Variants in GRM1 observed in about 807,000 individuals in gnomAD.
GRM1 encodes metabotropic glutamate receptor 1.
Under a neutral mutation model 90.9 loss-of-function variants are expected in GRM1, and 33 were observed. The ratio of observed to expected loss-of-function variants is 0.36; its 90% CI spans 0.28 to 0.49. The LOEUF is 0.49. Ranked by LOEUF, GRM1 falls within the 20% of genes least tolerant of loss-of-function variation. GRM1 has a pLI of 0.99. For missense variants in GRM1, 1,190 were observed against 1,534.3 expected, an observed-to-expected ratio of 0.78 and a Z score of 3.75; for synonymous variants, 700 against 613.2, an observed-to-expected ratio of 1.14 and a Z score of -2.09.
intron 2 of GRM1, among the ~76,000 whole-genome samples, chr6:146,284,697 C>G (rs1782695282): frequency 6.6e-6 from 1 of 152,144 alleles, no homozygotes; most frequent in South Asian, 2.1e-4. Flanking sequence ...TGCTCTCTGT[C>G]TCTCTCTTGC....
At chr6:146,202,893 T>C (rs1192669109) in intron 2 of GRM1, among the ~76,000 whole-genome samples, 1 of 152,114 alleles carries the variant, frequency 6.6e-6, no homozygotes, top group Non-Finnish European at 1.5e-5. Context: ...CTAGCTACTG[T>C]AAGAAATAAA....
intron 5 of GRM1, among the ~76,000 whole-genome samples, chr6:146,367,407 T>G (rs1177156198): frequency 6.6e-6 from 1 of 152,166 alleles, no homozygotes; most frequent in Non-Finnish European, 1.5e-5. Context: ...CATGAGAATT[T>G]TAGGATTTTT....
intron 3 of GRM1, among the ~76,000 whole-genome samples, chr6:146,335,108 A>C (rs1480963065): frequency 6.6e-6 from 1 of 152,202 alleles, no homozygotes; most frequent in African/African-American, 2.4e-5. Flanking sequence ...TTTAGATATC[A>C]GATTAGAAAC....
chr6:146,062,968 C>A (rs949929086), intron 1 of GRM1, among the ~76,000 whole-genome samples: 4 of 152,086 alleles, frequency 2.6e-5, no homozygotes, highest in African/African-American at 9.7e-5. Context: ...TATAAATGTT[C>A]TTTTATGGAT....
At chr6:146,314,605 T>A (rs2114952913) in intron 3 of GRM1, among the ~76,000 whole-genome samples, 1 of 152,292 alleles carries the variant, frequency 6.6e-6, no homozygotes. Context: ...CTGTTGGTCT[T>A]ATTCACTATG....
intron 1 of GRM1, among the ~76,000 whole-genome samples, chr6:146,133,512 T>C (rs1776485898): frequency 1.3e-5 from 2 of 152,344 alleles, no homozygotes; most frequent in South Asian, 4.1e-4. Context: ...CCTTTCTATT[T>C]TATTTATGTA....
At chr6:146,340,818 G>A (rs552666559) in intron 3 of GRM1, among the ~76,000 whole-genome samples, 35 of 152,212 alleles carry the variant, frequency 2.3e-4, no homozygotes, top group Admixed American at 4.6e-4. Context: ...TGCTGGGATT[G>A]CAGGCGTGAG....
At chr6:146,323,863 G>T (rs542729681) in intron 3 of GRM1, among the ~76,000 whole-genome samples, 5 of 152,244 alleles carry the variant, frequency 3.3e-5, no homozygotes, top group African/African-American at 1.2e-4. Flanking sequence ...TTTCCCCATT[G>T]CTTGTTTTTC....
intron 1 of GRM1, among the ~76,000 whole-genome samples, chr6:146,048,484 A>G (rs1195299510): frequency 6.6e-6 from 1 of 152,014 alleles, no homozygotes; most frequent in Non-Finnish European, 1.5e-5. Context: ...AAAACATTTC[A>G]AATATAATTC....
chr6:146,422,239 A>G (rs1423479739), intron 7 of GRM1, among the ~76,000 whole-genome samples: 6 of 152,200 alleles, frequency 3.9e-5, no homozygotes, highest in Non-Finnish European at 8.8e-5. Flanking sequence ...AAATCCATTC[A>G]AAGTCACTGT....
chr6:146,392,157 G>C (rs1239870483), intron 6 of GRM1, among the ~76,000 whole-genome samples: 1 of 152,132 alleles, frequency 6.6e-6, no homozygotes, highest in Non-Finnish European at 1.5e-5. Flanking sequence ...GCTCACTGAT[G>C]GATTTTGCCT....
At chr6:146,261,381 G>A (rs953630640) in intron 2 of GRM1, among the ~76,000 whole-genome samples, 5 of 152,054 alleles carry the variant, frequency 3.3e-5, no homozygotes, top group African/African-American at 1.2e-4. Flanking sequence ...TTGTTTTGTG[G>A]ATCTTCTAAT....
At chr6:146,243,124 C>T (rs932639317) in intron 2 of GRM1, among the ~76,000 whole-genome samples, 6 of 152,112 alleles carry the variant, frequency 3.9e-5, no homozygotes, top group Non-Finnish European at 7.4e-5. Flanking sequence ...ATATTGAATG[C>T]AAGCCATGAA....
At chr6:146,103,751 C>A (rs1225797521) in intron 1 of GRM1, among the ~76,000 whole-genome samples, 1 of 152,174 alleles carries the variant, frequency 6.6e-6, no homozygotes, top group East Asian at 1.9e-4. Context: ...TTCATCCTGG[C>A]AACATTTACA....
At chr6:146,085,995 A>G (rs762463788) in intron 1 of GRM1, among the ~76,000 whole-genome samples, 4 of 152,184 alleles carry the variant, frequency 2.6e-5, no homozygotes, top group African/African-American at 7.2e-5. Flanking sequence ...TGACGGGGAT[A>G]TAGAAATATA....
intron 1 of GRM1, among the ~76,000 whole-genome samples, chr6:146,146,750 G>T (rs1777123792): frequency 6.6e-6 from 1 of 152,116 alleles, no homozygotes; most frequent in Admixed American, 6.5e-5. Context: ...CCAACTCTGG[G>T]ACACTGAAGT....
intron 1 of GRM1, among the ~76,000 whole-genome samples, chr6:146,123,066 A>G (rs1222409585): frequency 1.3e-5 from 2 of 151,546 alleles, no homozygotes; most frequent in Non-Finnish European, 2.9e-5. Context: ...GCTGGTCTCC[A>G]ACTCCTGACC....
intron 1 of GRM1, among the ~76,000 whole-genome samples, chr6:146,145,301 C>G (rs1241385296): frequency 2.0e-5 from 3 of 152,274 alleles, no homozygotes; most frequent in Non-Finnish European, 4.4e-5. Flanking sequence ...TGCTACTCCT[C>G]AGGACAATGG....
intron 4 of GRM1, among the ~76,000 whole-genome samples, chr6:146,354,908 G>GT (rs1305642646): frequency 2.0e-5 from 3 of 152,000 alleles, no homozygotes; most frequent in African/African-American, 4.8e-5. Flanking sequence ...TTTTTCCATA[G>GT]TTTTTTTCCC....
Sources: gnomAD v4.1 joint callset for allele counts (sites outside exome capture counted in the v4.1 genomes callset) on GRCh38, gnomAD v4.1.1 for gene constraint, MANE v1.5 for transcripts, NCBI Gene and HGNC (gene_info 2026-07-23, HGNC 2026-07-21) for gene names.